DGKD: variants seen among roughly 807,000 people sequenced by gnomAD.
DGKD encodes the protein DAG kinase delta.
DGKD carries 68 observed loss-of-function variants against 154.4 expected under a neutral mutation model. The ratio of observed to expected loss-of-function variants is 0.44; its 90% CI spans 0.36 to 0.54. The LOEUF is 0.54. Ranked by LOEUF, DGKD falls within the 20% of genes least tolerant of loss-of-function variation. The pLI is 0.00. For synonymous variants in DGKD, 693 were observed against 638.0 expected (o/e 1.09, Z -1.30); for missense variants, 1,343 against 1,593.6 (o/e 0.84, Z 2.68).
intron 1 of DGKD, among the ~76,000 whole-genome samples, chr2:233,375,733 C>G (rs1210047964): frequency 2.6e-5 from 4 of 152,010 alleles, no homozygotes; most frequent in African/African-American, 9.7e-5. Flanking sequence ...CACTTGAAAA[C>G]AATTTATGGA....
At chr2:233,366,766 C>T (rs951498144) in intron 1 of DGKD, among the ~76,000 whole-genome samples, 4 of 151,866 alleles carry the variant, frequency 2.6e-5, no homozygotes, top group African/African-American at 9.7e-5. Context: ...GACAGTGTGA[C>T]GGGGTCAGGG....
chr2:233,374,856 A>T lies in DGKD; in HGVS notation c.157-13401A>T, dbSNP rs370415451. 5.9e-5 allele frequency among the ~76,000 whole-genome samples: 9 copies of T among 151,680 alleles called. No individual in the cohort carries two copies. In the East Asian group the frequency reaches 7.8e-4, roughly 13 times the overall value. The stretch of plus-strand genomic sequence containing the variant: ...AGAGTCTCTATAAAAGCAGAGGGAT[A>T]CTTTACTATGCTATGTTGCCCAGGC... On this transcript the variant is annotated intron_variant, in intron 1 of 29. Coordinates refer to ENST00000264057, the MANE Select transcript of DGKD (RefSeq NM_152879.3).
chr2:233,460,066 T>C (rs1366706851), intron 23 of DGKD, 128 bp from the exon 24 acceptor site: 36 of 1,468,494 alleles, frequency 2.5e-5, no homozygotes, highest in Non-Finnish European at 3.1e-5. Flanking sequence ...CTTCCCCTAA[T>C]GTTAAAAAAA....
At chr2:233,366,657 G>C (rs935450288) in intron 1 of DGKD, among the ~76,000 whole-genome samples, 3 of 152,134 alleles carry the variant, frequency 2.0e-5, no homozygotes, top group African/African-American at 7.2e-5. Flanking sequence ...AAGCCATGTA[G>C]GTCTCACTGA....
intron 10 of DGKD, among the ~76,000 whole-genome samples, chr2:233,443,437 G>A (rs1254084050): frequency 2.0e-5 from 3 of 151,500 alleles, no homozygotes; most frequent in Admixed American, 6.6e-5. Context: ...CCGGTTTGTC[G>A]TTTGTCAGTT....
chr2:233,433,064 G>A (rs568139620), intron 3 of DGKD, among the ~76,000 whole-genome samples: 8 of 152,288 alleles, frequency 5.3e-5, no homozygotes, highest in South Asian at 2.1e-4. Context: ...TACAATTACC[G>A]TGTGATCCAG....
Position 233,354,896 on chromosome 2 carries a change from G to GCGGGCT in DGKD, c.156+222_156+223insCGGGCT, listed in dbSNP as rs1701469713. ...CGGACGGCGGGCGGCTGTGGGGCCG[G>GCGGGCT]GCGGGGGGCGCGCAGGTGGGCGCCC... On this transcript the variant is annotated intron_variant, in intron 1 of 29. Transcript: ENST00000264057. The surrounding 1 kb of genome is among the most constrained non-coding windows in gnomAD (Gnocchi z 4.8). 6.9e-6 allele frequency among the ~76,000 whole-genome samples: 1 copy of GCGGGCT among 145,340 alleles called. No homozygotes were observed. The highest frequency in any genetic ancestry group is 6.8e-5 in the Admixed American group (1 of 14,696).
chr2:233,467,339 G>A (rs1482260784), intron 28 of DGKD, 136 bp downstream of exon 28: 28 of 702,122 alleles, frequency 4.0e-5, no homozygotes, highest in Middle Eastern at 3.8e-4. Flanking sequence ...CCGGTCCTGC[G>A]ACCACACTTG....
chr2:233,386,785 G>A (rs184755371), intron 1 of DGKD, among the ~76,000 whole-genome samples: 1 of 152,240 alleles, frequency 6.6e-6, no homozygotes, highest in South Asian at 2.1e-4. Flanking sequence ...GGCTGCTGTT[G>A]TGCCACTGGG....
chr2:233,381,080 G>C (rs1438257087), intron 1 of DGKD, among the ~76,000 whole-genome samples: 2 of 152,214 alleles, frequency 1.3e-5, no homozygotes, highest in Non-Finnish European at 2.9e-5. Flanking sequence ...GTTCCTTTCT[G>C]TCAGAGTTAG....
At chr2:233,376,612 C>CT (rs1446634155) in intron 1 of DGKD, among the ~76,000 whole-genome samples, 4 of 151,982 alleles carry the variant, frequency 2.6e-5, no homozygotes, top group Non-Finnish European at 4.4e-5. Flanking sequence ...TTTTATTATA[C>CT]TTTAAGTTCT....
At chr2:233,451,824 C>T (rs2063304754) in intron 17 of DGKD, 140 bp from the exon 18 acceptor site, 4 of 704,888 alleles carry the variant, frequency 5.7e-6, no homozygotes, top group Middle Eastern at 4.2e-4. Context: ...AAAATTTGGA[C>T]ATGGTTATAC....
chr2:233,432,521 T>G, intron 3 of DGKD, among the ~76,000 whole-genome samples: 1 of 152,256 alleles, frequency 6.6e-6, no homozygotes, highest in Admixed American at 6.5e-5. Context: ...TAGCTGGGTG[T>G]GGTGGCGGGC....
rs867318356 is a variant in DGKD at position 233,468,530 on chromosome 2, C to T, written c.3532C>T (p.His1178Tyr). Reference protein sequence around the residue: ...RHDIRGSELLHLERRDLKDLG... With the variant: ...RHDIRGSELLYLERRDLKDLG... ...CGACATCCGGGGCTCTGAGCTCCTG[C>T]ACCTGGAGCGGAGGGACCTCAAGGT... Residue 1178 changes from histidine to tyrosine, a missense_variant, in exon 29 of 30, where the codon CAC (histidine) becomes TAC (tyrosine). Around this residue, in one of 6 missense-constraint regions of DGKD, gnomAD observed 429 missense variants for 496.3 expected, o/e 0.86. Transcript: ENST00000264057. The T allele has an allele frequency of 4.3e-6, 7 of 1,613,844 alleles. No individual in the cohort carries two copies. The East Asian group carries it at 1.6e-4, about 36-fold the overall frequency.
chr2:233,460,107 G>T, intron 23 of DGKD, 87 bp from the exon 24 acceptor site: 32 of 1,535,094 alleles, frequency 2.1e-5, no homozygotes, highest in Non-Finnish European at 2.7e-5. Context: ...CTTTCTAGTT[G>T]TGATCTCGTT....
intron 3 of DGKD, chr2:233,419,537 A>T (rs1559524234): frequency 1.4e-6 from 1 of 736,056 alleles, no homozygotes; most frequent in Non-Finnish European, 1.7e-6. Flanking sequence ...GATGCTCCAG[A>T]GGGTTGCTTC....
chr2:233,420,867 C>T (rs2062091402), intron 3 of DGKD, among the ~76,000 whole-genome samples: 1 of 152,118 alleles, frequency 6.6e-6, no homozygotes, highest in Non-Finnish European at 1.5e-5. Context: ...TCCCAGATTC[C>T]CTGTGATCAG....
chr2:233,436,702 G>A (rs530226701), intron 7 of DGKD, among the ~76,000 whole-genome samples: 58 of 152,368 alleles, frequency 3.8e-4, no homozygotes, highest in South Asian at 2.7e-3. Context: ...TGCATCATGC[G>A]GCACTGTAGC....
At chr2:233,384,798 G>T (rs1359900273) in intron 1 of DGKD, among the ~76,000 whole-genome samples, 1 of 152,006 alleles carries the variant, frequency 6.6e-6, no homozygotes, top group Admixed American at 6.6e-5. Context: ...CAGCTTTCCA[G>T]AGTGTATTTC....
Sources: allele counts gnomAD v4.1 joint callset (sites outside exome capture counted in the v4.1 genomes callset), GRCh38; gene constraint gnomAD v4.1.1; regional missense constraint gnomAD v4.1.1; non-coding constraint Gnocchi (gnomAD v3.1); transcripts MANE v1.5; gene names NCBI Gene and HGNC (gene_info 2026-07-23, HGNC 2026-07-21).